The following CALN1 variants were observed in gnomAD, a reference collection of about 807,000 sequenced individuals.
CALN1 encodes calneuron 1.
Under a neutral mutation model 30.6 loss-of-function variants are expected in CALN1, and 17 were observed. The observed-to-expected ratio is 0.56, with a 90% CI of 0.38 to 0.83. The LOEUF (loss-of-function observed/expected upper bound fraction) is 0.83. Among genes scored for constraint, CALN1 ranks in the 40% least tolerant of loss-of-function variants. The pLI is 0.00. For missense variants in CALN1, 291 were observed against 354.9 expected (o/e 0.82, Z 1.45); for synonymous variants, 156 against 131.4 (o/e 1.19, Z -1.28).
intron 1 of CALN1, among the ~76,000 whole-genome samples, 199 bp from the exon 2 acceptor site, chr7:72,403,641 G>T (rs543058265): frequency 1.3e-5 from 2 of 152,270 alleles, no homozygotes; most frequent in East Asian, 1.9e-4. Flanking sequence ...TCACCAGAGG[G>T]TATTGCACAA....
At chr7:71,971,971 A>AAG (rs1554400249) in intron 5 of CALN1, among the ~76,000 whole-genome samples, 2 of 141,878 alleles carry the variant, frequency 1.4e-5, no homozygotes, top group African/African-American at 5.2e-5. Flanking sequence ...GAAAGAAAGA[A>AAG]AGAAAGAAAG....
intron 5 of CALN1, among the ~76,000 whole-genome samples, chr7:71,847,791 G>GAA (rs1790385131): frequency 1.4e-5 from 2 of 144,832 alleles, no homozygotes; most frequent in Non-Finnish European, 1.5e-5. Flanking sequence ...AGAAGAAGAA[G>GAA]AAGAAAAGAA....
intron 2 of CALN1, among the ~76,000 whole-genome samples, chr7:72,305,564 A>G (rs1241217976): frequency 6.6e-6 from 1 of 152,146 alleles, no homozygotes; most frequent in Non-Finnish European, 1.5e-5. Flanking sequence ...AAAGTTTGAG[A>G]GAATCCTGCT....
chr7:72,230,986 T>C (rs1050495511), intron 3 of CALN1, among the ~76,000 whole-genome samples: 2 of 152,188 alleles, frequency 1.3e-5, no homozygotes, highest in East Asian at 1.9e-4. Context: ...TGAAATCTTA[T>C]ACCATCCCAA....
chr7:72,138,951 C>T (rs181852417), intron 3 of CALN1, among the ~76,000 whole-genome samples: 10 of 152,350 alleles, frequency 6.6e-5, no homozygotes, highest in South Asian at 2.1e-4. Flanking sequence ...TCCTTCTACC[C>T]GAACGCATTC....
chr7:72,389,668 C>G (rs1031663681), intron 2 of CALN1, among the ~76,000 whole-genome samples: 1 of 152,154 alleles, frequency 6.6e-6, no homozygotes, highest in Non-Finnish European at 1.5e-5. Context: ...GCCTGTAATC[C>G]CAACACTTTG....
At chr7:72,202,612 T>C (rs1293500326) in intron 3 of CALN1, among the ~76,000 whole-genome samples, 2 of 152,140 alleles carry the variant, frequency 1.3e-5, no homozygotes, top group Non-Finnish European at 2.9e-5. Context: ...CAGAATACCA[T>C]CTACACAGTT....
the CALN1 span, among the ~76,000 whole-genome samples, chr7:72,487,917 A>AGAAAGAAG: frequency 6.2e-3 from 385 of 62,234 alleles, 3 homozygotes; most frequent in Middle Eastern, 0.032. Flanking sequence ...AAAGAAAGAA[A>AGAAAGAAG]GAAGGAAGGA....
At chr7:72,096,745 G>C (rs1181646818) in intron 4 of CALN1, among the ~76,000 whole-genome samples, 1 of 152,218 alleles carries the variant, frequency 6.6e-6, no homozygotes. Flanking sequence ...GTGGAAGACA[G>C]TGTGGCGATT....
the CALN1 span, among the ~76,000 whole-genome samples, chr7:72,453,520 G>A: frequency 6.6e-6 from 1 of 152,112 alleles, no homozygotes; most frequent in Non-Finnish European, 1.5e-5. Context: ...AATGCTTTAG[G>A]TGCCTCTTCC....
At chr7:71,827,822 G>A (rs1789019640) in intron 5 of CALN1, among the ~76,000 whole-genome samples, 1 of 146,660 alleles carries the variant, frequency 6.8e-6, no homozygotes, top group Non-Finnish European at 1.5e-5. Context: ...AAGGACTCCA[G>A]GGAAAGTCAC....
chr7:71,884,906 C>A (rs949568711), intron 5 of CALN1, among the ~76,000 whole-genome samples: 4 of 152,100 alleles, frequency 2.6e-5, no homozygotes, highest in African/African-American at 9.7e-5. Flanking sequence ...AAAAGATTAA[C>A]TAAAATTTGA....
intron 1 of CALN1, among the ~76,000 whole-genome samples, chr7:72,423,375 GCCTA>G (rs2129563735): frequency 6.6e-6 from 1 of 152,086 alleles, no homozygotes; most frequent in South Asian, 2.1e-4. Flanking sequence ...AGCATAGAAA[GCCTA>G]GCCCCAGGGC....
chr7:72,174,988 T>G (rs1283372033), intron 3 of CALN1, among the ~76,000 whole-genome samples: 5 of 151,984 alleles, frequency 3.3e-5, no homozygotes, highest in Non-Finnish European at 2.9e-5. Flanking sequence ...GGTGGTAGTA[T>G]TATAGGTATA....
At chr7:72,247,922 G>A (rs555562747) in intron 3 of CALN1, among the ~76,000 whole-genome samples, 89 of 152,282 alleles carry the variant, frequency 5.8e-4, no homozygotes, top group African/African-American at 1.9e-3. Flanking sequence ...GGCTTGAGCC[G>A]GGAGTTCCAG....
chr7:72,173,092 GAATA>G (rs1789083184), intron 3 of CALN1, among the ~76,000 whole-genome samples: 1 of 151,492 alleles, frequency 6.6e-6, no homozygotes, highest in African/African-American at 2.4e-5. Context: ...TTTCTAAAAA[GAATA>G]AATAAATTTA....
chr7:72,262,464 A>G (rs1343323782), intron 3 of CALN1, among the ~76,000 whole-genome samples: 1 of 152,194 alleles, frequency 6.6e-6, no homozygotes. Flanking sequence ...CAGTTAACAC[A>G]GTACTACTCA....
intron 1 of CALN1, among the ~76,000 whole-genome samples, chr7:72,408,675 C>CTTTTTTTTTTTTTT (rs534883618): frequency 1.0e-4 from 8 of 77,982 alleles, no homozygotes; most frequent in Admixed American, 2.2e-4. Context: ...TTATCTTTTC[C>CTTTTTTTTTTTTTT]TTTTTTTTTT....
chr7:71,926,793 CAA>C (rs1259956240), intron 5 of CALN1, among the ~76,000 whole-genome samples: 1 of 152,124 alleles, frequency 6.6e-6, no homozygotes, highest in African/African-American at 2.4e-5. Context: ...ATAAGTCCAT[CAA>C]AGTCATTTTT....
Sources: gnomAD v4.1 joint callset for allele counts (sites outside exome capture counted in the v4.1 genomes callset) on GRCh38, gnomAD v4.1.1 for gene constraint, MANE v1.5 for transcripts, NCBI Gene and HGNC (gene_info 2026-07-23, HGNC 2026-07-21) for gene names.